TAFA1: variants seen among roughly 807,000 people sequenced by gnomAD.
TAFA1 encodes the protein chemokine-like protein TAFA-1.
A neutral mutation model predicts 18.5 loss-of-function variants in TAFA1; 4 were observed. The observed-to-expected ratio is 0.22, with a 90% confidence interval of 0.11 to 0.49. The LOEUF is 0.49. Among genes scored for constraint, TAFA1 ranks in the 20% least tolerant of loss-of-function variants. The probability of loss-of-function intolerance (pLI) is 0.98; values close to 1 mark genes in which losing one functional copy is unlikely to be tolerated. For missense variants in TAFA1, 147 were observed against 169.0 expected (o/e 0.87, Z 0.72); for synonymous variants, 56 against 55.2 (o/e 1.01, Z -0.06).
intron 2 of TAFA1, among the ~76,000 whole-genome samples, chr3:68,210,021 C>T (rs73095492): frequency 0.014 from 2,160 of 152,010 alleles, 23 homozygotes; most frequent in Middle Eastern, 0.071. Flanking sequence ...ATTTTTTTCC[C>T]CTTTTTCCTG....
At chr3:68,098,934 G>T (rs1359816835) in intron 2 of TAFA1, among the ~76,000 whole-genome samples, 1 of 152,074 alleles carries the variant, frequency 6.6e-6, no homozygotes, top group African/African-American at 2.4e-5. Flanking sequence ...AGATGGTGCT[G>T]GGGTAGCTGG....
chr3:68,424,843 C>G (rs982582975), intron 3 of TAFA1, among the ~76,000 whole-genome samples: 5 of 151,902 alleles, frequency 3.3e-5, no homozygotes, highest in South Asian at 2.1e-4. Context: ...TTTTTAGAAC[C>G]TTTTTAACTG....
chr3:68,495,924 C>G (rs1313586633), intron 3 of TAFA1, among the ~76,000 whole-genome samples: 1 of 143,534 alleles, frequency 7.0e-6, no homozygotes, highest in South Asian at 2.2e-4. Context: ...CTTTGAAGTG[C>G]TTCTGTTTAT....
At chr3:68,421,972 A>G (rs749762404) in intron 3 of TAFA1, among the ~76,000 whole-genome samples, 5 of 152,086 alleles carry the variant, frequency 3.3e-5, no homozygotes, top group Non-Finnish European at 7.4e-5. Flanking sequence ...TATAATAGGA[A>G]TTTTGAAAAT....
chr3:68,322,248 A>C (rs2068706881), intron 2 of TAFA1, among the ~76,000 whole-genome samples: 1 of 152,248 alleles, frequency 6.6e-6, no homozygotes, highest in Non-Finnish European at 1.5e-5. Context: ...TTATTTTGAC[A>C]TAAAAATAGT....
chr3:68,073,601 G>A (rs1396019943), intron 2 of TAFA1, among the ~76,000 whole-genome samples: 3 of 152,164 alleles, frequency 2.0e-5, no homozygotes, highest in African/African-American at 7.2e-5. Flanking sequence ...AGGTTTAGTT[G>A]GAAAATTCTG....
At chr3:68,254,041 A>G (rs2067245630) in intron 2 of TAFA1, among the ~76,000 whole-genome samples, 1 of 152,068 alleles carries the variant, frequency 6.6e-6, no homozygotes, top group Non-Finnish European at 1.5e-5. Context: ...AAAGTTATGC[A>G]TGGAACTCTG....
intron 2 of TAFA1, among the ~76,000 whole-genome samples, chr3:68,188,161 A>G (rs1387965107): frequency 6.6e-6 from 1 of 151,912 alleles, no homozygotes; most frequent in African/African-American, 2.4e-5. Flanking sequence ...TAGAAGTTTT[A>G]ATTTTAATGT....
At chr3:68,272,343 T>A (rs2067691277) in intron 2 of TAFA1, among the ~76,000 whole-genome samples, 1 of 152,196 alleles carries the variant, frequency 6.6e-6, no homozygotes, top group Non-Finnish European at 1.5e-5. Context: ...GCTTAGCTTG[T>A]CAAACCCAAG....
intron 2 of TAFA1, among the ~76,000 whole-genome samples, chr3:68,386,323 A>G (rs996942474): frequency 6.6e-6 from 1 of 152,178 alleles, no homozygotes; most frequent in Non-Finnish European, 1.5e-5. Context: ...CACAATCGTA[A>G]TCATATCACA....
At chr3:68,205,979 C>T (rs1348510656) in intron 2 of TAFA1, among the ~76,000 whole-genome samples, 1 of 151,860 alleles carries the variant, frequency 6.6e-6, no homozygotes, top group Admixed American at 6.6e-5. Context: ...ATGACATAGT[C>T]ACCCCCGATT....
At chr3:68,303,871 A>C (rs1325203938) in intron 2 of TAFA1, among the ~76,000 whole-genome samples, 1 of 152,216 alleles carries the variant, frequency 6.6e-6, no homozygotes, top group East Asian at 1.9e-4. Context: ...TCCTTATCAA[A>C]AAAAAATTAA....
intron 2 of TAFA1, among the ~76,000 whole-genome samples, chr3:68,369,479 T>C (rs1024726320): frequency 3.9e-5 from 6 of 152,234 alleles, no homozygotes; most frequent in African/African-American, 1.4e-4. Context: ...AAACAAATGA[T>C]TGAAGTTAGC....
intron 3 of TAFA1, among the ~76,000 whole-genome samples, chr3:68,504,264 A>G (rs1283497583): frequency 6.6e-6 from 1 of 152,182 alleles, no homozygotes; most frequent in Non-Finnish European, 1.5e-5. Flanking sequence ...GTTGAGCCAC[A>G]GAGAAACTGC....
intron 2 of TAFA1, among the ~76,000 whole-genome samples, chr3:68,115,769 AT>A (rs941492110): frequency 4.6e-5 from 7 of 152,104 alleles, no homozygotes; most frequent in Non-Finnish European, 7.4e-5. Context: ...TCCCCATCCT[AT>A]TTTTTTGTGT....
intron 2 of TAFA1, among the ~76,000 whole-genome samples, chr3:68,289,239 A>G (rs1314726255): frequency 6.6e-6 from 1 of 152,328 alleles, no homozygotes; most frequent in East Asian, 1.9e-4. Flanking sequence ...TTGTATTAAC[A>G]AAAGCCCACT....
intron 2 of TAFA1, among the ~76,000 whole-genome samples, chr3:68,049,682 C>T (rs552289361): frequency 9.9e-5 from 15 of 151,862 alleles, no homozygotes; most frequent in East Asian, 7.8e-4. Flanking sequence ...TTAATTTCTA[C>T]GACTGGAGAG....
chr3:68,300,936 C>T (rs973188364), intron 2 of TAFA1, among the ~76,000 whole-genome samples: 1 of 152,144 alleles, frequency 6.6e-6, no homozygotes, highest in Non-Finnish European at 1.5e-5. Flanking sequence ...AATTAAACCT[C>T]TTTCCTTTAT....
intron 3 of TAFA1, among the ~76,000 whole-genome samples, chr3:68,457,622 C>T (rs2071689311): frequency 6.6e-6 from 1 of 152,158 alleles, no homozygotes; most frequent in Admixed American, 6.6e-5. Context: ...ATATGCATTA[C>T]CTCACATATT....
Sources: gnomAD v4.1 joint callset for allele counts (sites outside exome capture counted in the v4.1 genomes callset) on GRCh38, gnomAD v4.1.1 for gene constraint, MANE v1.5 for transcripts, NCBI Gene and HGNC (gene_info 2026-07-23, HGNC 2026-07-21) for gene names.